Variants in PRSS1 observed in about 807,000 individuals in gnomAD.
The protein encoded by PRSS1 is serine protease 1, also known as TCR V beta 4.1.
A neutral mutation model predicts 24.2 loss-of-function variants in PRSS1; 22 were observed. The observed-to-expected ratio is 0.91, with a 90% CI of 0.65 to 1.30. The LOEUF (loss-of-function observed/expected upper bound fraction) is 1.30, where lower values mean the gene tolerates loss of function less well. Ranked by LOEUF, PRSS1 falls within the 50% of genes most tolerant of loss-of-function variation. The probability of loss-of-function intolerance (pLI) is 0.00; values close to 1 mark genes in which losing one functional copy is unlikely to be tolerated. For missense variants in PRSS1, 366 were observed against 304.2 expected (o/e 1.20, Z -1.51); for synonymous variants, 126 against 116.1 (o/e 1.08, Z -0.55).
chr7:142,749,586 T>C (rs1435493891), intron 1 of PRSS1, 62 bp downstream of exon 1: 25 of 1,552,174 alleles, frequency 1.6e-5, no homozygotes, highest in African/African-American at 2.7e-5. Context: ...ACAAATGCCC[T>C]TCCATTCTTA....
In PRSS1 at chr7:142,749,489, A is replaced by G. The variant is rs1168615709; in HGVS notation, c.5A>G (p.Asn2Ser). M[N>S]PLLILTFVAA... The stretch of plus-strand genomic sequence containing the variant: ...AGTCAGGCACACTCTACCACCATGA[A>G]TCCACTCCTGATCCTTACCTTTGTG... Residue 2 changes from asparagine (N) to serine (S), a missense_variant, in exon 1 of 5, where the codon AAT becomes AGT. By Grantham distance (46) the Asn-to-Ser change is conservative. Coordinates refer to ENST00000311737, the MANE Select transcript of PRSS1 (RefSeq NM_002769.5). 11 of 1,613,976 alleles carry G rather than the reference A, an allele frequency of 6.8e-6. No homozygotes were observed. The highest frequency in any genetic ancestry group is 8.5e-6 in the Non-Finnish European group (10 of 1,180,016).
chr7:142,749,670 G>C, intron 1 of PRSS1, 146 bp downstream of exon 1: 1 of 1,126,272 alleles, frequency 8.9e-7, no homozygotes, highest in Non-Finnish European at 1.3e-6. Context: ...CATCCTCCTT[G>C]GGCTCTTTTT....
At chr7:142,752,760 G>T in intron 4 of PRSS1, 108 bp from the exon 5 acceptor site, 2 of 1,288,864 alleles carry the variant, frequency 1.6e-6, no homozygotes, top group Non-Finnish European at 2.2e-6. Flanking sequence ...CCATGAGAAG[G>T]ACATGGAGCC....
intron 2 of PRSS1, 36 bp downstream of exon 2, chr7:142,750,750 C>T (rs764213060): frequency 3.7e-6 from 6 of 1,613,718 alleles, no homozygotes; most frequent in South Asian, 2.2e-5. Context: ...AGCTCCCGGC[C>T]AGTCTGCCTG....
chr7:142,749,525 G>A lies in PRSS1; in HGVS notation c.40+1G>A, dbSNP rs149125789. Reference sequence around the variant, plus strand: ...ATCCTTACCTTTGTGGCAGCTGCTCGTGAGTATCATGCCCTGCCTCAGGCC... The same window carrying A: ...ATCCTTACCTTTGTGGCAGCTGCTCATGAGTATCATGCCCTGCCTCAGGCC... On this transcript the variant is annotated splice_donor_variant, in intron 1 of 4. Coordinates refer to ENST00000311737, the MANE Select transcript of PRSS1 (RefSeq NM_002769.5). LOFTEE classifies it high-confidence loss of function. The A allele has an allele frequency of 5.8e-5, 94 of 1,614,028 alleles. No homozygotes were observed. Among genetic ancestry groups the A allele is most frequent in the African/African-American group, 1.7e-4 (13 of 75,018 alleles).
rs1309672836 is a variant in PRSS1 at position 142,752,961 on chromosome 7, T to C, written c.685T>C (p.Tyr229His). 1 of 1,613,774 alleles carries C rather than the reference T, an allele frequency of 6.2e-7. No individual in the cohort carries two copies. Among genetic ancestry groups the C allele is most frequent in the East Asian group, 2.2e-5 (1 of 44,880 alleles). Residue 229 changes from tyrosine to histidine, a missense_variant, in exon 5 of 5, where the codon TAC (tyrosine) becomes CAC (histidine). Coordinates refer to ENST00000311737, the MANE Select transcript of PRSS1 (RefSeq NM_002769.5). Reference sequence around the variant, plus strand: ...TGCCCAGAAGAACAAGCCTGGAGTCTACACCAAGGTCTACAACTATGTGAA... The same window carrying C: ...TGCCCAGAAGAACAAGCCTGGAGTCCACACCAAGGTCTACAACTATGTGAA... Reference protein sequence around the residue: ...GCAQKNKPGVYTKVYNYVKWI... With the variant: ...GCAQKNKPGVHTKVYNYVKWI...
chr7:142,751,214 G>A (rs372864300), intron 2 of PRSS1: 21 of 562,428 alleles, frequency 3.7e-5, no homozygotes, highest in African/African-American at 1.6e-4. Flanking sequence ...GCATCAGAAC[G>A]CCCTGCAGGC....
rs1473604680 is a variant in PRSS1 at position 142,752,496 on chromosome 7, T to C, written c.520T>C (p.Ser174Pro). 2 of 1,614,196 alleles carry C rather than the reference T, an allele frequency of 1.2e-6. No individual in the cohort carries two copies. The highest frequency in any genetic ancestry group is 2.2e-5 in the South Asian group (2 of 91,068). The change falls in exon 4 of 5, where the codon TCC (serine) becomes CCC (proline). Residue 174 changes from serine to proline, a missense_variant. Ser to Pro is a moderately conservative substitution (Grantham distance 74). Transcript: ENST00000311737. ...PVLSQAKCEA[S>P]YPGKITSNMF... Reference sequence around the variant, plus strand: ...GCTGAGCCAGGCTAAGTGTGAAGCCTCCTACCCTGGAAAGATTACCAGCAA... The same window carrying C: ...GCTGAGCCAGGCTAAGTGTGAAGCCCCCTACCCTGGAAAGATTACCAGCAA...
At chr7:142,752,161 A>G in intron 3 of PRSS1, 134 bp downstream of exon 3, 1 of 1,409,016 alleles carries the variant, frequency 7.1e-7, no homozygotes, top group East Asian at 2.3e-5. Flanking sequence ...CAGACTCTGC[A>G]CTGGGCACCA....
In PRSS1 at chr7:142,751,498, G is replaced by A. The variant is rs1276284766; in HGVS notation, c.201-276G>A. The A allele has an allele frequency of 8.3e-6, 5 of 604,696 alleles. No homozygotes were observed. In the African/African-American group the frequency reaches 9.3e-5, roughly 11 times the overall value. 37.5% of individuals were successfully genotyped at this position (604,696 alleles called of 1,614,324 possible). On this transcript the variant is annotated intron_variant, in intron 2 of 4. Coordinates refer to ENST00000311737, the MANE Select transcript of PRSS1 (RefSeq NM_002769.5). ...CAGTGCTAGTGACTGTGGAGATTGT[G>A]GGAAAGAGTCTGGGGAGGCAGGTTG...
In PRSS1 at chr7:142,752,552, C is replaced by T. The variant is rs1163999404; in HGVS notation, c.576C>T (p.Gly192=). The T allele has an allele frequency of 8.7e-6, 14 of 1,614,048 alleles. No individual in the cohort carries two copies. In the South Asian group the frequency reaches 9.9e-5, roughly 11 times the overall value. Residue 192 remains glycine (G), a synonymous_variant, in exon 4 of 5, where the codon GGC becomes GGT. Transcript: ENST00000311737. The stretch of plus-strand genomic sequence containing the variant: ...TCTGTGTGGGCTTCCTTGAGGGAGG[C>T]AAGGATTCATGTCAGGTGATTTGAC... The part of the protein sequence containing the change: ...NMFCVGFLEG[G]KDSCQGDSGG...
chr7:142,751,593 G>C, intron 2 of PRSS1, 181 bp from the exon 3 acceptor site: 1 of 1,107,558 alleles, frequency 9.0e-7, no homozygotes, highest in Non-Finnish European at 1.3e-6. Context: ...GGAGCAGATA[G>C]GTCCTGGGTC....
intron 2 of PRSS1, chr7:142,751,163 G>A (rs1413473460): frequency 2.9e-6 from 2 of 693,228 alleles, no homozygotes; most frequent in African/African-American, 1.8e-5. Context: ...AGACAGAGCT[G>A]AGAACTGCTG....
chr7:142,750,441 C>T, intron 1 of PRSS1, 114 bp from the exon 2 acceptor site: 3 of 1,573,744 alleles, frequency 1.9e-6, no homozygotes, highest in African/African-American at 2.7e-5. Flanking sequence ...CCTCCCTTGC[C>T]TAGCCTCACT....
chr7:142,751,598 TG>T, intron 2 of PRSS1, 175 bp from the exon 3 acceptor site: 2 of 1,179,490 alleles, frequency 1.7e-6, no homozygotes, highest in South Asian at 1.5e-5. Context: ...AGATAGGTCC[TG>T]GGTCTCATAC....
At chr7:142,751,495 T>C (rs199916987) in intron 2 of PRSS1, 2 of 602,644 alleles carry the variant, frequency 3.3e-6, no homozygotes, top group Non-Finnish European at 5.8e-6. Flanking sequence ...CTGTGGAGAT[T>C]GTGGGAAAGA....
chr7:142,750,751 A>G (rs1798634147), intron 2 of PRSS1, 37 bp downstream of exon 2: 4 of 1,613,740 alleles, frequency 2.5e-6, no homozygotes, highest in Non-Finnish European at 3.4e-6. Context: ...GCTCCCGGCC[A>G]GTCTGCCTGG....
At chr7:142,751,170 G>T in intron 2 of PRSS1, 1 of 668,434 alleles carries the variant, frequency 1.5e-6, no homozygotes, top group Middle Eastern at 3.2e-4. Flanking sequence ...GCTGAGAACT[G>T]CTGCCTACAC....
intron 4 of PRSS1, 75 bp from the exon 5 acceptor site, chr7:142,752,793 C>G: frequency 6.3e-7 from 1 of 1,574,820 alleles, no homozygotes. Flanking sequence ...GGAAAGGGGT[C>G]TTTTAAGGTT....
Sources: gnomAD v4.1 joint callset for allele counts on GRCh38, gnomAD v4.1.1 for gene constraint, MANE v1.5 for transcripts, NCBI Gene and HGNC (gene_info 2026-07-23, HGNC 2026-07-21) for gene names.